Variants in DYNC2I1 observed in about 807,000 individuals in gnomAD.
DYNC2I1 encodes the protein dynein 2 intermediate chain 1.
DYNC2I1 carries 89 observed loss-of-function variants against 133.4 expected under a neutral mutation model. That is an observed-to-expected ratio of 0.67 (90% CI 0.56 to 0.80). The LOEUF is 0.80. Among genes scored for constraint, DYNC2I1 ranks in the 30% least tolerant of loss-of-function variants. The probability of loss-of-function intolerance (pLI) is 0.00; values close to 1 mark genes in which losing one functional copy is unlikely to be tolerated. For missense variants in DYNC2I1, 1,291 were observed against 1,314.5 expected, an observed-to-expected ratio of 0.98 and a Z score of 0.28; for synonymous variants, 504 against 484.3, an observed-to-expected ratio of 1.04 and a Z score of -0.54.
At chr7:158,953,033 C>T (rs912572172) in intron 4 of DYNC2I1, among the ~76,000 whole-genome samples, 1 of 152,192 alleles carries the variant, frequency 6.6e-6, no homozygotes, top group Non-Finnish European at 1.5e-5. Flanking sequence ...AGGTGGCATC[C>T]GCACCCATGG....
intron 24 of DYNC2I1, among the ~76,000 whole-genome samples, chr7:158,943,250 C>T (rs1585259022): frequency 6.6e-6 from 1 of 152,196 alleles, no homozygotes; most frequent in South Asian, 2.1e-4. Context: ...CAGATAACCA[C>T]ACAACACACC....
chr7:158,898,885 C>A (rs2129483230), intron 8 of DYNC2I1, among the ~76,000 whole-genome samples: 1 of 147,000 alleles, frequency 6.8e-6, no homozygotes, highest in East Asian at 2.0e-4. Flanking sequence ...TTTTTTTTAA[C>A]TTTTTAAAGT....
In DYNC2I1 at chr7:158,866,607, G is replaced by A. The variant is rs1017633298; in HGVS notation, c.16-3248G>A. On this transcript the variant is annotated intron_variant, in intron 1 of 24. Coordinates refer to ENST00000407559, the MANE Select transcript of DYNC2I1 (RefSeq NM_018051.5). ...GTTAACTTTAAACAAATAGTTGGCC[G>A]GGCGTGGTGGCTCACAACTGCAATT... Among the ~76,000 whole-genome samples the A allele has an allele frequency of 3.9e-5, 6 of 152,188 alleles. No individual in the cohort carries two copies. The East Asian group carries it at 7.8e-4, about 20-fold the overall frequency.
intron 7 of DYNC2I1, among the ~76,000 whole-genome samples, chr7:158,887,508 T>G (rs1331169932): frequency 1.3e-5 from 2 of 152,072 alleles, no homozygotes; most frequent in African/African-American, 4.8e-5. Context: ...AAGAGACAAT[T>G]AATAATAATA....
intron 8 of DYNC2I1, among the ~76,000 whole-genome samples, chr7:158,897,970 C>G (rs532487700): frequency 6.6e-6 from 1 of 152,288 alleles, no homozygotes; most frequent in South Asian, 2.1e-4. Flanking sequence ...AATGCTTTTA[C>G]ATTTCTCTTG....
In DYNC2I1 at chr7:158,859,511, C is replaced by G. The variant is rs758807374; in HGVS notation, c.15+2761C>G. Among the ~76,000 whole-genome samples the G allele has an allele frequency of 3.4e-4, 51 of 151,930 alleles. 1 individual carries two copies. Among genetic ancestry groups the G allele is most frequent in the Non-Finnish European group, 7.2e-4 (49 of 67,994 alleles). ...TGATACATATTTAATACATAAAATT[C>G]ATTTTTTTTGAGACAGAGTCTCGCT... On this transcript the variant is annotated intron_variant, in intron 1 of 24. Coordinates refer to ENST00000407559, the MANE Select transcript of DYNC2I1 (RefSeq NM_018051.5).
At chr7:158,947,719 C>A (rs573547551), downstream of DYNC2I1, among the ~76,000 whole-genome samples, 50 of 152,188 alleles carry the variant, frequency 3.3e-4, no homozygotes, top group Admixed American at 4.6e-4. Flanking sequence ...GGGGCTCACT[C>A]CCCCCTCTGA....
At chr7:158,913,356 C>T (rs967632616) in intron 13 of DYNC2I1, among the ~76,000 whole-genome samples, 3 of 152,162 alleles carry the variant, frequency 2.0e-5, no homozygotes, top group Admixed American at 1.3e-4. Flanking sequence ...AGATTTTATT[C>T]CTGTGTAGAG....
chr7:158,876,256 C>T (rs1179578717), intron 3 of DYNC2I1, among the ~76,000 whole-genome samples: 1 of 152,082 alleles, frequency 6.6e-6, no homozygotes, highest in Non-Finnish European at 1.5e-5. Context: ...CTTGTGAGAA[C>T]TCACTCAGTA....
chr7:158,904,825 C>G (rs906502117), intron 10 of DYNC2I1: 1 of 215,028 alleles, frequency 4.7e-6, no homozygotes, highest in African/African-American at 2.4e-5. Flanking sequence ...CTGACCCAGA[C>G]AGGCATCCTC....
intron 6 of DYNC2I1, among the ~76,000 whole-genome samples, chr7:158,886,256 T>A (rs1364050907): frequency 6.6e-6 from 1 of 151,754 alleles, no homozygotes; most frequent in Non-Finnish European, 1.5e-5. Flanking sequence ...CTCAGCCTCC[T>A]GAGTAGCTGG....
chr7:158,917,530 A>T lies in DYNC2I1; in HGVS notation c.1792-1210A>T, dbSNP rs1385787914. Among the ~76,000 whole-genome samples, 7 of 116,314 alleles carry T rather than the reference A, an allele frequency of 6.0e-5. No individual in the cohort carries two copies. In the East Asian group the frequency reaches 1.5e-3, roughly 25 times the overall value. 76.3% of individuals were successfully genotyped at this position (116,314 alleles called of 152,430 possible). On this transcript the variant is annotated intron_variant, in intron 14 of 24. Coordinates refer to ENST00000407559, the MANE Select transcript of DYNC2I1 (RefSeq NM_018051.5). ...ACACTCCACCCTCTGCCTCTCACTA[A>T]ACACCTCCTGTCCTCCACACTCCAC...
intron 15 of DYNC2I1, among the ~76,000 whole-genome samples, chr7:158,919,742 A>G (rs1848828534): frequency 6.6e-6 from 1 of 152,234 alleles, no homozygotes; most frequent in Non-Finnish European, 1.5e-5. Flanking sequence ...TGTTAATTTA[A>G]CAAGTCTTCA....
intron 10 of DYNC2I1, chr7:158,905,395 C>G (rs1412325884): frequency 4.2e-6 from 1 of 239,000 alleles, no homozygotes. Flanking sequence ...CCTGCCTCGG[C>G]CTCCCAGAGG....
At position 158,926,246 on chromosome 7, in the gene DYNC2I1, A is replaced by C. The variant is rs770249657; in HGVS notation, c.2317A>C (p.Thr773Pro). The C allele has an allele frequency of 6.2e-7, 1 of 1,613,612 alleles. No individual in the cohort carries two copies. Among genetic ancestry groups the C allele is most frequent in the East Asian group, 2.2e-5 (1 of 44,878 alleles). Residue 773 changes from threonine to proline, a missense_variant, in exon 18 of 25, where the codon ACG (threonine) becomes CCG (proline). Coordinates refer to ENST00000407559, the MANE Select transcript of DYNC2I1 (RefSeq NM_018051.5). ...TCTTCAAGCAGTAGAACCTATCTCA[A>C]CGTCCGTCCACAAAAAGCAGAGCTT... ...SPLQAVEPIS[T>P]SVHKKQSFVL...
chr7:158,936,979 CACAG>C (rs1850823112), intron 23 of DYNC2I1, among the ~76,000 whole-genome samples: 1 of 152,180 alleles, frequency 6.6e-6, no homozygotes, highest in Non-Finnish European at 1.5e-5. Context: ...AATGCAAAGA[CACAG>C]ACATACACCC....
At chr7:158,854,675 G>C (rs1341424655), upstream of DYNC2I1, among the ~76,000 whole-genome samples, 3 of 152,170 alleles carry the variant, frequency 2.0e-5, no homozygotes, top group African/African-American at 4.8e-5. Context: ...TTTGTTTTGG[G>C]AAAGGGCTGT....
chr7:158,841,221 A>ATTTTTTTTT, the DYNC2I1 span, among the ~76,000 whole-genome samples: 15 of 85,402 alleles, frequency 1.8e-4, no homozygotes, highest in African/African-American at 6.9e-4. Flanking sequence ...ATATATATAT[A>ATTTTTTTTT]TTTTAGACAG....
chr7:158,948,778 G>A (rs544807379), downstream of DYNC2I1, among the ~76,000 whole-genome samples: 25 of 152,170 alleles, frequency 1.6e-4, no homozygotes, highest in African/African-American at 4.1e-4. Context: ...GGGTCCAGTC[G>A]CGGCTGTGGT....
Sources: gnomAD v4.1 joint callset for allele counts (sites outside exome capture counted in the v4.1 genomes callset) on GRCh38, gnomAD v4.1.1 for gene constraint, MANE v1.5 for transcripts, NCBI Gene and HGNC (gene_info 2026-07-23, HGNC 2026-07-21) for gene names.